PRDM1: variants seen among roughly 807,000 people sequenced by gnomAD.
PRDM1 encodes the protein PR domain zinc finger protein 1.
PRDM1 carries 13 observed loss-of-function variants against 62.8 expected under a neutral mutation model. The ratio of observed to expected loss-of-function variants is 0.21; its 90% CI spans 0.13 to 0.33. The LOEUF (loss-of-function observed/expected upper bound fraction) is 0.33, where lower values mean the gene tolerates loss of function less well. Ranked by LOEUF, PRDM1 falls within the 10% of genes least tolerant of loss-of-function variation. PRDM1 has a pLI of 1.00. For synonymous variants in PRDM1, 396 were observed against 417.6 expected (o/e 0.95, Z 0.63); for missense variants, 895 against 1,058.8 (o/e 0.85, Z 2.15).
chr6:106,003,982 A>ATAT (rs1772456446), intron 1 of PRDM1, among the ~76,000 whole-genome samples: 1 of 152,150 alleles, frequency 6.6e-6, no homozygotes, highest in Admixed American at 6.6e-5. Flanking sequence ...TTGTGTAGGT[A>ATAT]TATGGACTGT....
intron 1 of PRDM1, among the ~76,000 whole-genome samples, chr6:106,063,552 T>C (rs1235198076): frequency 6.6e-6 from 1 of 152,210 alleles, no homozygotes; most frequent in East Asian, 1.9e-4. Context: ...AATTTAGTAA[T>C]TCCTAGTTCC....
intron 1 of PRDM1, among the ~76,000 whole-genome samples, chr6:106,051,166 A>G (rs1773167532): frequency 6.6e-6 from 1 of 152,238 alleles, no homozygotes; most frequent in African/African-American, 2.4e-5. Context: ...AGAGAAACTT[A>G]AGAAGGATCA....
intron 4 of PRDM1, among the ~76,000 whole-genome samples, chr6:106,103,116 G>A (rs1179800601): frequency 6.6e-6 from 1 of 152,050 alleles, no homozygotes; most frequent in African/African-American, 2.4e-5. Context: ...CCCTCAGCAA[G>A]CTTTCCATCA....
chr6:106,071,701 T>C (rs1288144917), intron 1 of PRDM1, among the ~76,000 whole-genome samples: 1 of 152,158 alleles, frequency 6.6e-6, no homozygotes, highest in Non-Finnish European at 1.5e-5. Context: ...CAGAGGTGGA[T>C]TGTCTGTTAT....
At position 106,107,071 on chromosome 6, in the gene PRDM1, A is replaced by G. The variant is rs1237352725; in HGVS notation, c.2063A>G (p.Lys688Arg). Residue 688 changes from lysine (K) to arginine (R), a missense_variant, in exon 7 of 7, where the codon AAG becomes AGG. Physicochemically the swap from Lys to Arg is conservative, Grantham distance 26. Coordinates refer to ENST00000369096, the MANE Select transcript of PRDM1 (RefSeq NM_001198.4). ...CTGCACACCCGGGAGCGGCCCCACA[A>G]GTGCTCCCAGTGCCACAAGAACTAC... is the stretch of plus-strand genomic sequence containing the variant. ...KRLHTRERPH[K>R]CSQCHKNYIH... 6 of 1,614,090 alleles carry G rather than the reference A, an allele frequency of 3.7e-6. No homozygotes were observed. The highest frequency in any genetic ancestry group is 5.1e-6 in the Non-Finnish European group (6 of 1,180,050).
chr6:105,998,349 C>T (rs1315150706), intron 1 of PRDM1, among the ~76,000 whole-genome samples: 2 of 151,974 alleles, frequency 1.3e-5, no homozygotes, highest in East Asian at 3.9e-4. Context: ...CCTAGGAGTT[C>T]AAAGCCAGCC....
chr6:106,106,020 A>C lies in PRDM1; in HGVS notation c.1773+87A>C. On this transcript the variant is annotated intron_variant, in intron 5 of 6. Transcript: ENST00000369096. This position sits in a 1 kb window ranked among gnomAD's most constrained non-coding sequence, Gnocchi z 4.4. The stretch of plus-strand genomic sequence containing the variant: ...TTGCTTTCCATGGGGTATCGATTGC[A>C]TTTGCAGTAGTATGAGCCCCCGGTT... 1 of 1,514,560 alleles carries C rather than the reference A, an allele frequency of 6.6e-7. No homozygotes were observed. Among genetic ancestry groups the C allele is most frequent in the Non-Finnish European group, 8.9e-7 (1 of 1,129,910 alleles). 93.8% of individuals were successfully genotyped at this position (1,514,560 alleles called of 1,614,324 possible). A position where few individuals can be genotyped will look rare whatever the true frequency, so the allele number is the denominator to read the frequency against.
upstream of PRDM1, among the ~76,000 whole-genome samples, chr6:106,085,549 A>G (rs561005631): frequency 3.3e-5 from 5 of 152,310 alleles, no homozygotes; most frequent in East Asian, 7.7e-4. Context: ...CAGAGGACTG[A>G]CTGGGCTGGA....
intron 1 of PRDM1, among the ~76,000 whole-genome samples, chr6:106,054,400 ATCTC>A (rs1773231493): frequency 1.3e-5 from 2 of 152,004 alleles, no homozygotes; most frequent in Non-Finnish European, 2.9e-5. Flanking sequence ...CTTTCTGTCT[ATCTC>A]TCTCTCACTT....
chr6:106,019,745 A>G (rs891084331), intron 1 of PRDM1, among the ~76,000 whole-genome samples: 2 of 151,324 alleles, frequency 1.3e-5, no homozygotes, highest in African/African-American at 4.9e-5. Flanking sequence ...GCTTCAAGCA[A>G]TTCTCCTGTC....
At chr6:106,035,718 T>C (rs537603139) in intron 1 of PRDM1, among the ~76,000 whole-genome samples, 3 of 152,314 alleles carry the variant, frequency 2.0e-5, no homozygotes, top group South Asian at 2.1e-4. Flanking sequence ...ATGGGATATA[T>C]ATTTCTATCC....
At chr6:106,076,401 C>A (rs1459372207) in intron 1 of PRDM1, among the ~76,000 whole-genome samples, 1 of 152,082 alleles carries the variant, frequency 6.6e-6, no homozygotes, top group Non-Finnish European at 1.5e-5. Flanking sequence ...GTGATAGTGC[C>A]TGTAAAAACT....
At position 105,995,494 on chromosome 6, in the gene PRDM1, G is replaced by C. The variant is rs181920957; in HGVS notation, c.-67+1855G>C. ...CATTGCTGAAGCTACCATAGTGTAGGATAGAGGAAGAGCGTTTCAGAAGAG... is the reference window on the plus strand; with the variant it reads ...CATTGCTGAAGCTACCATAGTGTAGCATAGAGGAAGAGCGTTTCAGAAGAG... On this transcript the variant is annotated intron_variant, in intron 1 of 6. Transcript: ENST00000652320. Among the ~76,000 whole-genome samples the C allele has an allele frequency of 2.0e-5, 3 of 152,274 alleles. No homozygotes were observed. The East Asian group carries it at 5.8e-4, about 29-fold the overall frequency.
intron 3 of PRDM1, chr6:106,096,154 G>GT (rs113757559): frequency 0.037 from 5,494 of 150,248 alleles, 143 homozygotes; most frequent in African/African-American, 0.085. Context: ...TATCTTTTTG[G>GT]TTTTTTTTTT....
chr6:106,009,981 G>C (rs1272330278), intron 1 of PRDM1, among the ~76,000 whole-genome samples: 1 of 152,162 alleles, frequency 6.6e-6, no homozygotes, highest in African/African-American at 2.4e-5. Context: ...GCCTCCCAAA[G>C]TGCTGGGATT....
intron 1 of PRDM1, among the ~76,000 whole-genome samples, chr6:106,062,251 T>C (rs926723046): frequency 1.3e-5 from 2 of 152,238 alleles, no homozygotes; most frequent in Non-Finnish European, 2.9e-5. Flanking sequence ...ATCTTTGTCA[T>C]GTGCAGTATT....
rs1445999630 is a variant in PRDM1, at chr6:106,099,583, A to C, written c.664+31A>C. The C allele has an allele frequency of 4.3e-6, 7 of 1,609,778 alleles. No homozygotes were observed. In the Admixed American group the frequency reaches 8.4e-5, roughly 19 times the overall value. Reference sequence around the variant, plus strand: ...TGGATTACAGAACAAAAAAATAAAAAATGCCAGTAATGTCGGTTCTGCCCC... The same window carrying C: ...TGGATTACAGAACAAAAAAATAAAACATGCCAGTAATGTCGGTTCTGCCCC... On this transcript the variant is annotated intron_variant, in intron 4 of 6. Coordinates refer to ENST00000369096, the MANE Select transcript of PRDM1 (RefSeq NM_001198.4).
At chr6:106,013,534 G>A (rs567743912) in intron 1 of PRDM1, among the ~76,000 whole-genome samples, 6 of 151,810 alleles carry the variant, frequency 4.0e-5, no homozygotes, top group Admixed American at 2.6e-4. Context: ...CACCATGTTG[G>A]CCAGGCTTGT....
chr6:106,019,457 T>A (rs1057150947), intron 1 of PRDM1, among the ~76,000 whole-genome samples: 2 of 150,184 alleles, frequency 1.3e-5, no homozygotes, highest in Admixed American at 1.3e-4. Flanking sequence ...AAAAAAAAAA[T>A]AGAACTGAAA....
Sources: allele counts gnomAD v4.1 joint callset (sites outside exome capture counted in the v4.1 genomes callset), GRCh38; gene constraint gnomAD v4.1.1; non-coding constraint Gnocchi (gnomAD v3.1); transcripts MANE v1.5; gene names NCBI Gene and HGNC (gene_info 2026-07-23, HGNC 2026-07-21).